HNRNPLL: variants seen among roughly 807,000 people sequenced by gnomAD.
HNRNPLL encodes heterogeneous nuclear ribonucleoprotein L like.
HNRNPLL carries 25 observed loss-of-function variants against 67.1 expected under a neutral mutation model. That is an observed-to-expected ratio of 0.37 (90% CI 0.27 to 0.52). The LOEUF is 0.52. Among genes scored for constraint, HNRNPLL ranks in the 20% least tolerant of loss-of-function variants. The pLI is 0.90. For missense variants in HNRNPLL, 542 were observed against 673.9 expected, an observed-to-expected ratio of 0.80 and a Z score of 2.17; for synonymous variants, 267 against 241.7, an observed-to-expected ratio of 1.10 and a Z score of -0.97.
intron 4 of HNRNPLL, among the ~76,000 whole-genome samples, chr2:38,582,983 A>G (rs1356810000): frequency 6.6e-6 from 1 of 152,148 alleles, no homozygotes; most frequent in African/African-American, 2.4e-5. Flanking sequence ...AAAGCAGAGG[A>G]GATAATGGAG....
At chr2:38,573,577 T>C in intron 7 of HNRNPLL, 150 bp from the exon 8 acceptor site, 1 of 611,756 alleles carries the variant, frequency 1.6e-6, no homozygotes, top group East Asian at 2.8e-5. Flanking sequence ...GTATGAATAT[T>C]TCAGTATAAC....
chr2:38,588,200 T>C (rs1174312386), intron 2 of HNRNPLL, among the ~76,000 whole-genome samples: 1 of 152,138 alleles, frequency 6.6e-6, no homozygotes, highest in Non-Finnish European at 1.5e-5. Flanking sequence ...GGTACAGAAG[T>C]AAATTATTTA....
At chr2:38,579,840 T>A (rs1472992030) in intron 6 of HNRNPLL, among the ~76,000 whole-genome samples, 1 of 152,096 alleles carries the variant, frequency 6.6e-6, no homozygotes, top group African/African-American at 2.4e-5. Flanking sequence ...AGCTAAGAGC[T>A]CTACAGAAAC....
intron 2 of HNRNPLL, among the ~76,000 whole-genome samples, chr2:38,588,624 G>A (rs1322227549): frequency 6.7e-6 from 1 of 149,938 alleles, no homozygotes; most frequent in Non-Finnish European, 1.5e-5. Context: ...TAGCATCAAT[G>A]AAGATAAAGA....
chr2:38,565,565 C>T (rs1665824997), intron 12 of HNRNPLL, among the ~76,000 whole-genome samples: 1 of 151,298 alleles, frequency 6.6e-6, no homozygotes, highest in African/African-American at 2.4e-5. Flanking sequence ...TAAAAATAAA[C>T]AAATATACAC....
intron 1 of HNRNPLL, among the ~76,000 whole-genome samples, chr2:38,595,385 G>A (rs1667140431): frequency 6.6e-6 from 1 of 150,830 alleles, no homozygotes; most frequent in Non-Finnish European, 1.5e-5. Context: ...ACTATCATGA[G>A]TATAGTGCTA....
chr2:38,565,666 C>T (rs756567014), intron 12 of HNRNPLL, among the ~76,000 whole-genome samples: 2 of 140,536 alleles, frequency 1.4e-5, no homozygotes, highest in East Asian at 2.1e-4. Flanking sequence ...AAAGTCGAGG[C>T]TGCAGTGGGC....
intron 1 of HNRNPLL, among the ~76,000 whole-genome samples, chr2:38,592,473 A>C (rs182899801): frequency 1.3e-5 from 2 of 152,376 alleles, no homozygotes; most frequent in East Asian, 3.9e-4. Context: ...TTAATTCATT[A>C]AACACATGAC....
rs753597548 is a variant in HNRNPLL at position 38,602,860 on chromosome 2, G to C, written c.-234C>G. Reference sequence around the variant, plus strand: ...AGCGGCCGCTCCTCTCAATTACCGAGCCAACATTCAGCCTCTCCCTCCTCC... The same window carrying C: ...AGCGGCCGCTCCTCTCAATTACCGACCCAACATTCAGCCTCTCCCTCCTCC... On this transcript the variant is annotated 5_prime_UTR_variant, in exon 1 of 13. Coordinates refer to ENST00000449105, the MANE Select transcript of HNRNPLL (RefSeq NM_138394.4). 1.9e-6 allele frequency: 3 copies of C among 1,549,412 alleles called. No individual in the cohort carries two copies. Among genetic ancestry groups the C allele is most frequent in the African/African-American group, 1.4e-5 (1 of 72,862 alleles).
At chr2:38,575,991 C>T (rs568895168) in intron 7 of HNRNPLL, among the ~76,000 whole-genome samples, 10 of 151,786 alleles carry the variant, frequency 6.6e-5, no homozygotes, top group African/African-American at 2.2e-4. Context: ...GAATGGATAC[C>T]CCCCTACATA....
intron 7 of HNRNPLL, among the ~76,000 whole-genome samples, chr2:38,575,900 CCTAT>C (rs1666284503): frequency 6.6e-6 from 1 of 151,720 alleles, no homozygotes; most frequent in Non-Finnish European, 1.5e-5. Context: ...TCTCTTTCCT[CCTAT>C]ACCCCAATTC....
chr2:38,587,975 C>T (rs1558541338), intron 2 of HNRNPLL, among the ~76,000 whole-genome samples: 1 of 151,998 alleles, frequency 6.6e-6, no homozygotes, highest in Non-Finnish European at 1.5e-5. Flanking sequence ...TCTCTCCTCT[C>T]TTTTTTTTCT....
chr2:38,582,545 C>T (rs1259036367), intron 4 of HNRNPLL, among the ~76,000 whole-genome samples: 1 of 152,110 alleles, frequency 6.6e-6, no homozygotes, highest in Admixed American at 6.5e-5. Context: ...CTCTTGACTT[C>T]GTGATCCGCC....
At chr2:38,602,328 G>T in intron 1 of HNRNPLL, 110 bp downstream of exon 1, 2 of 1,051,478 alleles carry the variant, frequency 1.9e-6, no homozygotes, top group Non-Finnish European at 1.4e-6. Context: ...TCCCCAAACG[G>T]GTCGGCGCAG....
intron 1 of HNRNPLL, among the ~76,000 whole-genome samples, chr2:38,600,456 G>C (rs993586899): frequency 6.6e-6 from 1 of 152,132 alleles, no homozygotes; most frequent in African/African-American, 2.4e-5. Context: ...ACCAGGTGCG[G>C]TGGCTCACGG....
At chr2:38,588,699 A>G (rs1056072471) in intron 2 of HNRNPLL, among the ~76,000 whole-genome samples, 1 of 152,178 alleles carries the variant, frequency 6.6e-6, no homozygotes, top group Admixed American at 6.5e-5. Context: ...CTAAAATGTT[A>G]CAGACATTTT....
chr2:38,593,984 C>A (rs1445600167), intron 1 of HNRNPLL, among the ~76,000 whole-genome samples: 1 of 152,140 alleles, frequency 6.6e-6, no homozygotes, highest in East Asian at 1.9e-4. Context: ...ACCACCCTGG[C>A]TAACACGGTG....
rs113689169 is a variant in HNRNPLL, at chr2:38,592,765, T to C, written c.190-1117A>G. Among the ~76,000 whole-genome samples the C allele has an allele frequency of 5.4e-3, 828 of 152,348 alleles. 7 individuals are homozygous for C. Among genetic ancestry groups the C allele is most frequent in the African/African-American group, 0.018 (759 of 41,572 alleles). ...GCCATCAGGCACTTCTCTTGCATCGTAACTTCAGAAATGACTTCCACCGTG... is the reference window on the plus strand; with the variant it reads ...GCCATCAGGCACTTCTCTTGCATCGCAACTTCAGAAATGACTTCCACCGTG... On this transcript the variant is annotated intron_variant, in intron 1 of 12. Coordinates refer to ENST00000449105, the MANE Select transcript of HNRNPLL (RefSeq NM_138394.4).
At chr2:38,574,400 G>A (rs1666218490) in intron 7 of HNRNPLL, among the ~76,000 whole-genome samples, 1 of 151,766 alleles carries the variant, frequency 6.6e-6, no homozygotes, top group African/African-American at 2.4e-5. Flanking sequence ...AATAATAACA[G>A]AAGCAACATC....
Sources: gnomAD v4.1 joint callset for allele counts (sites outside exome capture counted in the v4.1 genomes callset) on GRCh38, gnomAD v4.1.1 for gene constraint, MANE v1.5 for transcripts, NCBI Gene and HGNC (gene_info 2026-07-23, HGNC 2026-07-21) for gene names.